WIPF2: variants seen among roughly 807,000 people sequenced by gnomAD.
WIPF2 encodes WAS/WASL interacting protein family member 2, also known as WAS/WASL-interacting protein family member 2.
Under a neutral mutation model 38.8 loss-of-function variants are expected in WIPF2, and 23 were observed. That is an observed-to-expected ratio of 0.59 (90% CI 0.43 to 0.84). The LOEUF (loss-of-function observed/expected upper bound fraction) is 0.84, where lower values mean the gene tolerates loss of function less well. Ranked by LOEUF, WIPF2 falls within the 40% of genes least tolerant of loss-of-function variation. The pLI is 0.00. For synonymous variants in WIPF2, 210 were observed against 223.2 expected (o/e 0.94, Z 0.53); for missense variants, 574 against 580.5 (o/e 0.99, Z 0.11).
intron 1 of WIPF2, among the ~76,000 whole-genome samples, chr17:40,240,851 A>T (rs2031164535): frequency 6.6e-6 from 1 of 151,392 alleles, no homozygotes; most frequent in African/African-American, 2.4e-5. Flanking sequence ...AGGCTGAGGC[A>T]GGAGAATGAC....
At chr17:40,237,241 CTTTTT>C (rs533124301) in intron 1 of WIPF2, among the ~76,000 whole-genome samples, 1 of 129,486 alleles carries the variant, frequency 7.7e-6, no homozygotes, top group African/African-American at 2.8e-5. Context: ...TCAATTTTTC[CTTTTT>C]TTTTTTTTTT....
At chr17:40,272,574 G>A (rs761931280) in intron 5 of WIPF2, among the ~76,000 whole-genome samples, 55 of 152,180 alleles carry the variant, frequency 3.6e-4, no homozygotes, top group Non-Finnish European at 7.3e-5. Flanking sequence ...CTGTGGGAGA[G>A]CAGAGGTGGA....
rs978001017 is a variant in WIPF2, at chr17:40,276,193, T to G, written c.1181-890T>G. 1.3e-4 allele frequency among the ~76,000 whole-genome samples: 20 copies of G among 152,170 alleles called. 1 individual carries two copies. Among genetic ancestry groups the G allele is most frequent in the Admixed American group, 1.3e-3 (20 of 15,276 alleles). ...ATTCCTACCAATTTCTGGATTTAGA[T>G]CAGTTGTTTTCCCGTGGTGACAGTC... On this transcript the variant is annotated intron_variant, in intron 6 of 7. Transcript: ENST00000323571.
intron 2 of WIPF2, among the ~76,000 whole-genome samples, chr17:40,258,456 G>C (rs187888865): frequency 1.3e-5 from 2 of 152,254 alleles, no homozygotes; most frequent in Admixed American, 6.5e-5. Flanking sequence ...GCTGTGCATG[G>C]TGGCGCTTGC....
At chr17:40,250,502 G>A (rs1234771798) in intron 1 of WIPF2, among the ~76,000 whole-genome samples, 2 of 151,242 alleles carry the variant, frequency 1.3e-5, no homozygotes, top group African/African-American at 4.9e-5. Flanking sequence ...GCCCACCTCG[G>A]CCTCCCAAAG....
chr17:40,229,009 T>G (rs943233686), intron 1 of WIPF2, among the ~76,000 whole-genome samples: 1 of 152,030 alleles, frequency 6.6e-6, no homozygotes, highest in African/African-American at 2.4e-5. Context: ...GCTCAAGTGA[T>G]TCTCTTGCCT....
chr17:40,260,882 G>T, intron 3 of WIPF2: 1 of 626,160 alleles, frequency 1.6e-6, no homozygotes. Flanking sequence ...ACCGGGCATG[G>T]TGGCTCATGC....
intron 6 of WIPF2, among the ~76,000 whole-genome samples, chr17:40,276,649 C>G (rs774211908): frequency 2.6e-5 from 4 of 151,420 alleles, no homozygotes; most frequent in Non-Finnish European, 4.4e-5. Context: ...AGGCGTGGTT[C>G]ACACCTGTAA....
chr17:40,246,758 C>T (rs1390779414), intron 1 of WIPF2, among the ~76,000 whole-genome samples: 3 of 152,020 alleles, frequency 2.0e-5, no homozygotes, highest in African/African-American at 4.8e-5. Flanking sequence ...TGAGCAGCTA[C>T]GGTATGCTGT....
intron 1 of WIPF2, among the ~76,000 whole-genome samples, chr17:40,248,844 A>G (rs1428160996): frequency 6.6e-6 from 1 of 152,234 alleles, no homozygotes; most frequent in Admixed American, 6.5e-5. Context: ...GTATTGAGAA[A>G]TGGTTTATTA....
chr17:40,255,385 C>T (rs543656731), intron 1 of WIPF2, among the ~76,000 whole-genome samples: 9 of 151,748 alleles, frequency 5.9e-5, no homozygotes, highest in Admixed American at 2.6e-4. Context: ...TGCAGTGGTG[C>T]GACATCTGCT....
chr17:40,255,651 C>T (rs1239770751), intron 1 of WIPF2, among the ~76,000 whole-genome samples: 2 of 129,374 alleles, frequency 1.5e-5, no homozygotes, highest in Middle Eastern at 4.7e-3. Flanking sequence ...TTTTTTGAGA[C>T]GGAATCTCGC....
intron 1 of WIPF2, among the ~76,000 whole-genome samples, chr17:40,222,756 C>T (rs1191335806): frequency 2.1e-5 from 3 of 142,366 alleles, no homozygotes; most frequent in Non-Finnish European, 3.0e-5. Flanking sequence ...CTGCAACCTC[C>T]GCCTGCCGGA....
At chr17:40,265,209 G>T (rs1296954339) in intron 5 of WIPF2, 63 bp downstream of exon 5, 1 of 1,515,754 alleles carries the variant, frequency 6.6e-7, no homozygotes, top group Admixed American at 2.1e-5. Flanking sequence ...TTTCCCCAGA[G>T]CACTCCTTGA....
intron 1 of WIPF2, among the ~76,000 whole-genome samples, chr17:40,221,437 A>T (rs896682274): frequency 2.0e-5 from 3 of 151,942 alleles, no homozygotes; most frequent in Non-Finnish European, 4.4e-5. Context: ...TGAGATTGAG[A>T]TATTGATATT....
intron 2 of WIPF2, among the ~76,000 whole-genome samples, chr17:40,259,129 T>C (rs573926544): frequency 2.2e-4 from 33 of 148,038 alleles, no homozygotes; most frequent in African/African-American, 8.1e-4. Context: ...TCCTTTTGCC[T>C]GGGCCTCCCA....
intron 1 of WIPF2, among the ~76,000 whole-genome samples, chr17:40,243,514 T>C (rs1037826655): frequency 1.3e-5 from 2 of 152,070 alleles, no homozygotes; most frequent in Non-Finnish European, 2.9e-5. Context: ...TCCTAGGATT[T>C]TTCAGGTTTT....
At chr17:40,272,938 C>T (rs2032289686) in intron 5 of WIPF2, among the ~76,000 whole-genome samples, 1 of 152,126 alleles carries the variant, frequency 6.6e-6, no homozygotes, top group African/African-American at 2.4e-5. Flanking sequence ...GGCTCCTAAC[C>T]TAGCCTAGCA....
At chr17:40,245,549 G>A (rs976858230) in intron 1 of WIPF2, among the ~76,000 whole-genome samples, 32 of 151,980 alleles carry the variant, frequency 2.1e-4, no homozygotes, top group African/African-American at 7.7e-4. Flanking sequence ...CACCATGTTG[G>A]CCAGGTTGGT....
Sources: allele counts gnomAD v4.1 joint callset (sites outside exome capture counted in the v4.1 genomes callset), GRCh38; gene constraint gnomAD v4.1.1; transcripts MANE v1.5; gene names NCBI Gene and HGNC (gene_info 2026-07-23, HGNC 2026-07-21).